CDYL2: variants seen among roughly 807,000 people sequenced by gnomAD.
CDYL2 encodes chromodomain Y-like protein 2.
CDYL2 carries 23 observed loss-of-function variants against 49.4 expected under a neutral mutation model. The ratio of observed to expected loss-of-function variants is 0.47; its 90% confidence interval spans 0.34 to 0.66. CDYL2 has a LOEUF of 0.66. CDYL2 is among the 30% of genes least tolerant of loss of function. The pLI, the probability that CDYL2 is intolerant of heterozygous loss-of-function variation, is 0.01. For missense variants in CDYL2, 678 were observed against 656.4 expected (o/e 1.03, Z -0.36); for synonymous variants, 360 against 268.8 (o/e 1.34, Z -3.32).
intron 1 of CDYL2, among the ~76,000 whole-genome samples, chr16:80,721,159 C>T (rs1208032707): frequency 6.6e-6 from 1 of 152,166 alleles, no homozygotes; most frequent in African/African-American, 2.4e-5. Flanking sequence ...CTAAGAACAA[C>T]CAATGACAGA....
chr16:80,739,648 C>T (rs538732456), intron 1 of CDYL2, among the ~76,000 whole-genome samples: 5 of 152,146 alleles, frequency 3.3e-5, no homozygotes, highest in Non-Finnish European at 7.4e-5. Flanking sequence ...TGGCATCCTG[C>T]TCTGCCATCC....
intron 2 of CDYL2, among the ~76,000 whole-genome samples, chr16:80,683,836 C>G (rs144412224): frequency 6.6e-6 from 1 of 152,304 alleles, no homozygotes; most frequent in Non-Finnish European, 1.5e-5. Flanking sequence ...GGCCCTCACC[C>G]GATGCAGCAT....
At chr16:80,670,949 G>C (rs986936312) in intron 2 of CDYL2, 2 of 455,810 alleles carry the variant, frequency 4.4e-6, no homozygotes, top group African/African-American at 4.0e-5. Context: ...TCCACCACCT[G>C]GAATAACATG....
intron 1 of CDYL2, among the ~76,000 whole-genome samples, chr16:80,718,455 G>A (rs1336201629): frequency 2.0e-5 from 3 of 152,190 alleles, no homozygotes; most frequent in African/African-American, 7.2e-5. Context: ...CTGAGGCTGT[G>A]AGAATTAAAG....
At chr16:80,669,620 CGA>C (rs1478550916) in intron 2 of CDYL2, among the ~76,000 whole-genome samples, 2 of 152,106 alleles carry the variant, frequency 1.3e-5, no homozygotes, top group African/African-American at 4.8e-5. Context: ...GCTAGGACAT[CGA>C]GAGAGGCCAA....
intron 1 of CDYL2, among the ~76,000 whole-genome samples, chr16:80,759,116 A>ATATATATATATATATATATATATATGGTT (rs1567597461): frequency 3.3e-5 from 4 of 119,948 alleles, no homozygotes; most frequent in East Asian, 2.5e-4. Context: ...ATATATATAT[A>ATATATATATATATATATATATATATGGTT]TATATATATA....
At chr16:80,769,282 AG>A (rs1451874685) in intron 1 of CDYL2, among the ~76,000 whole-genome samples, 1 of 152,246 alleles carries the variant, frequency 6.6e-6, no homozygotes, top group Non-Finnish European at 1.5e-5. Context: ...ATGGCTCAAA[AG>A]GCTACAAGAC....
At chr16:80,725,793 T>C (rs1244576412) in intron 1 of CDYL2, among the ~76,000 whole-genome samples, 2 of 152,244 alleles carry the variant, frequency 1.3e-5, no homozygotes, top group Non-Finnish European at 2.9e-5. Context: ...CTGCCCGCTA[T>C]TCAAGAGGAC....
rs113657365 is a variant in CDYL2, at chr16:80,642,046, G to A, written c.617-8810C>T. On this transcript the variant is annotated intron_variant, in intron 2 of 6. Transcript: ENST00000570137. ...ATTAAATAGAAAGGATAAACAATGA[G>A]CAGGTCAAAAATAATAACTACAACA... Among the ~76,000 whole-genome samples, 1,311 of 152,252 alleles carry A rather than the reference G, an allele frequency of 8.6e-3. 14 individuals are homozygous for A. Among genetic ancestry groups the A allele is most frequent in the African/African-American group, 0.03 (1,252 of 41,534 alleles).
At chr16:80,666,997 G>A (rs1033590380) in intron 2 of CDYL2, among the ~76,000 whole-genome samples, 1 of 152,214 alleles carries the variant, frequency 6.6e-6, no homozygotes, top group Non-Finnish European at 1.5e-5. Flanking sequence ...AATAATCAGT[G>A]TGACCACTAC....
chr16:80,761,475 G>T (rs554327875), intron 1 of CDYL2, among the ~76,000 whole-genome samples: 2 of 152,176 alleles, frequency 1.3e-5, no homozygotes, highest in Non-Finnish European at 2.9e-5. Flanking sequence ...TGGTGCTGGT[G>T]GTCTTGAAGG....
At chr16:80,741,568 T>C (rs1347582968) in intron 1 of CDYL2, among the ~76,000 whole-genome samples, 1 of 152,094 alleles carries the variant, frequency 6.6e-6, no homozygotes, top group Non-Finnish European at 1.5e-5. Context: ...CAGATGAACA[T>C]ATTAATGGAA....
At chr16:80,640,145 G>C (rs751274807) in intron 2 of CDYL2, among the ~76,000 whole-genome samples, 2 of 152,188 alleles carry the variant, frequency 1.3e-5, no homozygotes, top group Non-Finnish European at 2.9e-5. Flanking sequence ...GGGTGGCTAA[G>C]GGAGTGCTGG....
In CDYL2 at chr16:80,608,122, C is replaced by T; in HGVS notation, c.1332G>A (p.Arg444=). ...CACTGCAGGATGCCATCTCCTTGAC[C>T]CGCAGCATGACCTCCTGGCTGAACG... ...PTTFSQEVML[R]VKEMASCSAV... The change falls in exon 6 of 7, where the codon CGG becomes CGA. Residue 444 remains arginine (R), a synonymous_variant. Transcript: ENST00000570137. The T allele has an allele frequency of 6.2e-7, 1 of 1,602,120 alleles. No individual in the cohort carries two copies. The highest frequency in any genetic ancestry group is 8.5e-7 in the Non-Finnish European group (1 of 1,174,424).
intron 2 of CDYL2, among the ~76,000 whole-genome samples, chr16:80,649,311 C>G (rs892878308): frequency 6.6e-6 from 1 of 152,040 alleles, no homozygotes; most frequent in East Asian, 1.9e-4. Context: ...GACCAACACA[C>G]AAAAATCAAT....
intron 1 of CDYL2, among the ~76,000 whole-genome samples, chr16:80,780,738 T>C (rs754294502): frequency 6.6e-6 from 1 of 152,052 alleles, no homozygotes; most frequent in African/African-American, 2.4e-5. Flanking sequence ...TTTGACAAAA[T>C]TGTCCACATC....
intron 1 of CDYL2, among the ~76,000 whole-genome samples, chr16:80,775,554 A>C (rs1907054326): frequency 4.6e-5 from 7 of 151,944 alleles, no homozygotes; most frequent in Admixed American, 4.6e-4. Flanking sequence ...AAAAATAAGA[A>C]GCATATATAT....
At chr16:80,780,351 G>C (rs76600370) in intron 1 of CDYL2, among the ~76,000 whole-genome samples, 1 of 150,126 alleles carries the variant, frequency 6.7e-6, no homozygotes, top group Admixed American at 6.6e-5. Flanking sequence ...CCTATAACAG[G>C]ATATGCAAGG....
At chr16:80,732,573 C>A (rs1905368030) in intron 1 of CDYL2, among the ~76,000 whole-genome samples, 1 of 152,198 alleles carries the variant, frequency 6.6e-6, no homozygotes, top group Admixed American at 6.5e-5. Context: ...CTGAAGGGAA[C>A]TACTTTACCT....
Sources: allele counts gnomAD v4.1 joint callset (sites outside exome capture counted in the v4.1 genomes callset), GRCh38; gene constraint gnomAD v4.1.1; transcripts MANE v1.5; gene names NCBI Gene and HGNC (gene_info 2026-07-23, HGNC 2026-07-21).